The following CELSR3 variants were observed in gnomAD, a reference collection of about 807,000 sequenced individuals.
CELSR3 encodes the protein cadherin EGF LAG seven-pass G-type receptor 3.
CELSR3 carries 73 observed loss-of-function variants against 270.0 expected under a neutral mutation model. That is an observed-to-expected ratio of 0.27 (90% CI 0.22 to 0.33). CELSR3 has a LOEUF of 0.33. Among genes scored for constraint, CELSR3 ranks in the 10% least tolerant of loss-of-function variants. The pLI is 1.00. For synonymous variants in CELSR3, 1,780 were observed against 1,905.4 expected (o/e 0.93, Z 1.71); for missense variants, 3,614 against 4,533.8 (o/e 0.80, Z 5.83).
Position 48,648,321 on chromosome 3 carries a change from T to C in CELSR3, c.6918A>G (p.Ala2306=). Residue 2306 remains alanine, a synonymous_variant, in exon 19 of 35, where the codon GCA becomes GCG. Transcript: ENST00000164024. ...RHLEEYAATL[A]RNMELTYLNP... is the part of the protein sequence containing the mutation. ...TCAGGTATGTGAGTTCCATATTCCT[T>C]GCGAGTGTGGCTGCATACTCCTCCA... The C allele has an allele frequency of 1.2e-6, 2 of 1,610,296 alleles. No individual in the cohort carries two copies. Among genetic ancestry groups the C allele is most frequent in the African/African-American group, 1.3e-5 (1 of 74,788 alleles).
chr3:48,646,263 G>C lies in CELSR3; in HGVS notation c.7296-6C>G, dbSNP rs761107210. The C allele has an allele frequency of 3.7e-6, 6 of 1,608,448 alleles. No individual in the cohort carries two copies. Among genetic ancestry groups the C allele is most frequent in the Non-Finnish European group, 1.7e-6 (2 of 1,177,096 alleles). ...TGACGGGGTTCTGAGGAAGCCTGGGGAGACACCCATCTGGGCTTACGCACT... is the reference window on the plus strand; with the variant it reads ...TGACGGGGTTCTGAGGAAGCCTGGGCAGACACCCATCTGGGCTTACGCACT... On this transcript the variant is annotated splice_polypyrimidine_tract_variant and splice_region_variant and intron_variant, in intron 21 of 34. Transcript: ENST00000164024. The surrounding 1 kb of genome is among the most constrained non-coding windows in gnomAD (Gnocchi z 4.8).
chr3:48,653,458 A>G lies in CELSR3; in HGVS notation c.5448+161T>C, dbSNP rs1335134800. On this transcript the variant is annotated intron_variant, in intron 9 of 34. Coordinates refer to ENST00000164024, the MANE Select transcript of CELSR3 (RefSeq NM_001407.3). This position sits in a 1 kb window ranked among gnomAD's most constrained non-coding sequence, Gnocchi z 6.5. ...CCCTGCACCTGCAGAGGATATAATG[A>G]TGGAAAGAGAATCAAGGGCTAGGGT... is the stretch of plus-strand genomic sequence containing the variant. Among the ~76,000 whole-genome samples, 1 of 152,172 alleles carries G rather than the reference A, an allele frequency of 6.6e-6. No homozygotes were observed. The highest frequency in any genetic ancestry group is 1.5e-5 in the Non-Finnish European group (1 of 68,026).
chr3:48,662,165 G>A lies in CELSR3; in HGVS notation c.470C>T (p.Ala157Val), dbSNP rs928640906. 2.5e-6 allele frequency: 4 copies of A among 1,612,502 alleles called. No individual in the cohort carries two copies. Among genetic ancestry groups the A allele is most frequent in the Non-Finnish European group, 3.4e-6 (4 of 1,179,410 alleles). ...PLQRGSLSPG[A>V]LSSGVPGSGN... is the part of the protein sequence containing the mutation. The stretch of plus-strand genomic sequence containing the variant: ...CGAGCCCGGGACCCCTGAGGACAGA[G>A]CCCCTGGTGACAGACTACCTCTTTG... The change falls in exon 1 of 35, where the codon GCT (alanine) becomes GTT (valine). Residue 157 changes from alanine to valine, a missense_variant. Ala to Val is a moderately conservative substitution (Grantham distance 64). Coordinates refer to ENST00000164024, the MANE Select transcript of CELSR3 (RefSeq NM_001407.3). The surrounding 1 kb of genome is among the most constrained non-coding windows in gnomAD (Gnocchi z 7.1).
In CELSR3 at chr3:48,636,844, T is replaced by G. The variant is rs1438843578; in HGVS notation, c.*1361A>C. On this transcript the variant is annotated 3_prime_UTR_variant, in exon 35 of 35. Transcript: ENST00000164024. Reference sequence around the variant, plus strand: ...TTAGAGGACGCCTACTCTCAAGGTCTTCTGGATCTGCTGTTAAACGGGACT... The same window carrying G: ...TTAGAGGACGCCTACTCTCAAGGTCGTCTGGATCTGCTGTTAAACGGGACT... The G allele has an allele frequency of 6.6e-6, 1 of 152,202 alleles. No homozygotes were observed. The highest frequency in any genetic ancestry group is 1.5e-5 in the Non-Finnish European group (1 of 68,062). The allele number at this position is 152,202 out of a possible 1,614,324, so 9.4% of individuals were successfully genotyped here.
At position 48,659,673 on chromosome 3, in the gene CELSR3, G is replaced by A. The variant is rs372656162; in HGVS notation, c.2962C>T (p.Arg988Trp). ...TSVLQISATD[R>W]DAHANGRVQY... ...ACCCGGCCATTGGCATGAGCATCCC[G>A]GTCAGTGGCTGAGATCTGCAGGACA... The change falls in exon 1 of 35, where the codon CGG becomes TGG. Residue 988 changes from arginine to tryptophan, a missense_variant. Arg to Trp is a moderately radical substitution (Grantham distance 101, BLOSUM62 -3). Around this residue, in one of 7 missense-constraint regions of CELSR3, gnomAD observed 1,331 missense variants for 1,933.7 expected, o/e 0.69. Coordinates refer to ENST00000164024, the MANE Select transcript of CELSR3 (RefSeq NM_001407.3). This position sits in a 1 kb window ranked among gnomAD's most constrained non-coding sequence, Gnocchi z 8.1. 2.2e-5 allele frequency: 35 copies of A among 1,614,056 alleles called. No homozygotes were observed. The highest frequency in any genetic ancestry group is 1.7e-4 in the African/African-American group (13 of 74,908).
rs779243780 is a variant in CELSR3 at position 48,651,912 on chromosome 3, T to C, written c.5888A>G (p.Asp1963Gly). 6.2e-7 allele frequency: 1 copy of C among 1,612,244 alleles called. No homozygotes were observed. The highest frequency in any genetic ancestry group is 1.1e-5 in the South Asian group (1 of 90,958). Residue 1963 changes from aspartate (D) to glycine (G), a missense_variant, in exon 12 of 35, where the codon GAC becomes GGC. This residue lies in a region of CELSR3 where 1,331 missense variants were observed against 1,933.7 expected (regional missense o/e 0.69). Coordinates refer to ENST00000164024, the MANE Select transcript of CELSR3 (RefSeq NM_001407.3). This position sits in a 1 kb window ranked among gnomAD's most constrained non-coding sequence, Gnocchi z 7.4. ...GPCPPHADCR[D>G]LWQTFSCTCQ... ...GGTGCAAGAAAAGGTCTGCCAGAGGTCCCGGCAGTCTGCGTGAGGTGGGCA... is the reference window on the plus strand; with the variant it reads ...GGTGCAAGAAAAGGTCTGCCAGAGGCCCCGGCAGTCTGCGTGAGGTGGGCA...
At chr3:48,647,051 G>A in intron 20 of CELSR3, 123 bp from the exon 21 acceptor site, 1 of 931,678 alleles carries the variant, frequency 1.1e-6, no homozygotes, top group Non-Finnish European at 1.5e-6. Flanking sequence ...GGGGAGTGCA[G>A]GGAGCATGAA....
rs903396121 is a variant in CELSR3 at position 48,646,317 on chromosome 3, C to T, written c.7296-60G>A. 3.5e-5 allele frequency: 53 copies of T among 1,526,640 alleles called. No individual in the cohort carries two copies. In the Admixed American group the frequency reaches 1.0e-3, roughly 29 times the overall value. 94.6% of individuals were successfully genotyped at this position (1,526,640 alleles called of 1,614,324 possible). On this transcript the variant is annotated intron_variant, in intron 21 of 34. Coordinates refer to ENST00000164024, the MANE Select transcript of CELSR3 (RefSeq NM_001407.3). This position sits in a 1 kb window ranked among gnomAD's most constrained non-coding sequence, Gnocchi z 4.8. ...GACCTCCCCATGCTCAGCCTGCTTG[C>T]CTCACCCCGTCTTCATGCCACTCGC...
At position 48,641,374 on chromosome 3, in the gene CELSR3, A is replaced by G; in HGVS notation, c.8975T>C (p.Leu2992Pro). 1 of 1,612,580 alleles carries G rather than the reference A, an allele frequency of 6.2e-7. No individual in the cohort carries two copies. The highest frequency in any genetic ancestry group is 8.5e-7 in the Non-Finnish European group (1 of 1,179,802). Residue 2992 changes from leucine (L) to proline (P), a missense_variant, in exon 33 of 35, where the codon CTG (leucine) becomes CCG (proline). Coordinates refer to ENST00000164024, the MANE Select transcript of CELSR3 (RefSeq NM_001407.3). This position sits in a 1 kb window ranked among gnomAD's most constrained non-coding sequence, Gnocchi z 4.8. ...CAGAGAAGTCTCATCCCCACTGGTCAGGGCCGGGTCTGGCTGGTTGTTGTT... is the reference window on the plus strand; with the variant it reads ...CAGAGAAGTCTCATCCCCACTGGTCGGGGCCGGGTCTGGCTGGTTGTTGTT... ...AANNNQPDPA[L>P]TSGDETSLGR...
Position 48,662,537 on chromosome 3 carries a change from T to A in CELSR3, c.98A>T (p.Glu33Val). The A allele has an allele frequency of 6.2e-7, 1 of 1,601,928 alleles. No individual in the cohort carries two copies. Among genetic ancestry groups the A allele is most frequent in the Non-Finnish European group, 8.5e-7 (1 of 1,173,902 alleles). Residue 33 changes from glutamate to valine, a missense_variant, in exon 1 of 35, where the codon GAG becomes GTG. This residue lies in a region of CELSR3 where 470 missense variants were observed against 469.7 expected (regional missense o/e 1.00). Transcript: ENST00000164024. The surrounding 1 kb of genome is among the most constrained non-coding windows in gnomAD (Gnocchi z 7.1). ...GCCCTGGTGCCCACCGCCCCCCAGCTCCTCCTGGCTGAGGGGGAACAAAGA... is the reference window on the plus strand; with the variant it reads ...GCCCTGGTGCCCACCGCCCCCCAGCACCTCCTGGCTGAGGGGGAACAAAGA... ...LLSLFPLSQE[E>V]LGGGGHQGWD...
At chr3:48,648,238 G>GGCCCCC in intron 19 of CELSR3, 28 bp downstream of exon 19, 143 of 1,342,546 alleles carry the variant, frequency 1.1e-4, no homozygotes, top group Non-Finnish European at 1.4e-4. Flanking sequence ...CCCCTGCTGT[G>GGCCCCC]CCCCGCCCTA....
In CELSR3 at chr3:48,640,752, G is replaced by A. The variant is rs1476987747; in HGVS notation, c.9026-193C>T. ...GCAGGACAGGGGTCAGAGTGGAAGG[G>A]CAGTCATCTTCCAGTTGTGGTCCCG... On this transcript the variant is annotated intron_variant, in intron 33 of 34. Transcript: ENST00000164024. The surrounding 1 kb of genome is among the most constrained non-coding windows in gnomAD (Gnocchi z 7.5). 1.7e-6 allele frequency: 1 copy of A among 588,482 alleles called. No individual in the cohort carries two copies. The highest frequency in any genetic ancestry group is 2.9e-6 in the Non-Finnish European group (1 of 345,376). 36.5% of individuals were successfully genotyped at this position (588,482 alleles called of 1,614,324 possible). A position where few individuals can be genotyped will look rare whatever the true frequency, so the allele number is the denominator to read the frequency against.
Position 48,661,263 on chromosome 3 carries a change from T to A in CELSR3, c.1372A>T (p.Thr458Ser). The change falls in exon 1 of 35, where the codon ACT becomes TCT. Residue 458 changes from threonine (T) to serine (S), a missense_variant. Physicochemically the swap from Thr to Ser is moderately conservative, Grantham distance 58 (BLOSUM62 1). Around this residue, in one of 7 missense-constraint regions of CELSR3, gnomAD observed 354 missense variants for 500.9 expected, o/e 0.71. Transcript: ENST00000164024. ...GCGTTGGGGGGCGCGTCGCCGTCAG[T>A]GGCACGCAGCTGCAGGATAGGGTAG... is the stretch of plus-strand genomic sequence containing the variant. ...EGYPILQLRA[T>S]DGDAPPNANL... 6.2e-7 allele frequency: 1 copy of A among 1,610,476 alleles called. No individual in the cohort carries two copies. The highest frequency in any genetic ancestry group is 8.5e-7 in the Non-Finnish European group (1 of 1,177,662).
In CELSR3 at chr3:48,660,144, G is replaced by C. The variant is rs750326733; in HGVS notation, c.2491C>G (p.Leu831Val). 1 of 1,614,176 alleles carries C rather than the reference G, an allele frequency of 6.2e-7. No individual in the cohort carries two copies. Among genetic ancestry groups the C allele is most frequent in the Non-Finnish European group, 8.5e-7 (1 of 1,180,036 alleles). The change falls in exon 1 of 35, where the codon CTA (leucine) becomes GTA (valine). Residue 831 changes from leucine (L) to valine (V), a missense_variant. Leu to Val is a conservative substitution (Grantham distance 32). Transcript: ENST00000164024. The surrounding 1 kb of genome is among the most constrained non-coding windows in gnomAD (Gnocchi z 5.5). The part of the protein sequence containing the change: ...YKQERYFKLV[L>V]TASDRALHDH... The stretch of plus-strand genomic sequence containing the variant: ...TGAAGGGCACGGTCAGATGCAGTTA[G>C]TACCAGCTTGAAGTAGCGTTCCTGC...
Position 48,642,341 on chromosome 3 carries a change from C to T in CELSR3, c.8665+17G>A. 6.2e-7 allele frequency: 1 copy of T among 1,609,666 alleles called. No homozygotes were observed. The highest frequency in any genetic ancestry group is 8.5e-7 in the Non-Finnish European group (1 of 1,178,058). On this transcript the variant is annotated intron_variant, in intron 31 of 34. Transcript: ENST00000164024. The surrounding 1 kb of genome is among the most constrained non-coding windows in gnomAD (Gnocchi z 6.1). ...ATCCTCTGCCTCCCTCCTCCCTGCC[C>T]CAGGCCCCAACTCCACCAGCATCTC...
rs1384770884 is a variant in CELSR3 at position 48,656,898 on chromosome 3, G to A, written c.4199C>T (p.Ala1400Val). 6.2e-7 allele frequency: 1 copy of A among 1,609,810 alleles called. No homozygotes were observed. The highest frequency in any genetic ancestry group is 1.3e-5 in the African/African-American group (1 of 74,868). ...CGTGGAGGCCGAGGCCAGGAAGGGC[G>A]CGGACGAGTCAAAGCGGAGCACGGA... Reference protein sequence around the residue: ...CVSVLRFDSSAPFLASASTLF... With the variant: ...CVSVLRFDSSVPFLASASTLF... The change falls in exon 2 of 35, where the codon GCG becomes GTG. Residue 1400 changes from alanine (A) to valine (V), a missense_variant. Physicochemically the swap from Ala to Val is moderately conservative, Grantham distance 64. Coordinates refer to ENST00000164024, the MANE Select transcript of CELSR3 (RefSeq NM_001407.3).
chr3:48,660,082 G>C lies in CELSR3; in HGVS notation c.2553C>G (p.Ala851=). ...TTTGAAAGACCGGCCGATGAGTGTT[G>C]GCATCTGTGATGTTGATGTGCACAT... ...HCYVHINITD[A]NTHRPVFQSA... The change falls in exon 1 of 35, where the codon GCC becomes GCG. Residue 851 remains alanine (A), a synonymous_variant. Coordinates refer to ENST00000164024, the MANE Select transcript of CELSR3 (RefSeq NM_001407.3). The surrounding 1 kb of genome is among the most constrained non-coding windows in gnomAD (Gnocchi z 5.5). 1 of 1,614,168 alleles carries C rather than the reference G, an allele frequency of 6.2e-7. No homozygotes were observed. Among genetic ancestry groups the C allele is most frequent in the Non-Finnish European group, 8.5e-7 (1 of 1,180,034 alleles).
chr3:48,640,121 G>T lies in CELSR3; in HGVS notation c.9464C>A (p.Thr3155Lys), dbSNP rs374651619. Residue 3155 changes from threonine (T) to lysine (K), a missense_variant, in exon 34 of 35, where the codon ACG (threonine) becomes AAG (lysine). Transcript: ENST00000164024. This position sits in a 1 kb window ranked among gnomAD's most constrained non-coding sequence, Gnocchi z 7.5. ...CCGGGTGCGGCGGGGCGGAGGCAGCGTGCTCAACCACTCTCGAGGTGCCCC... is the reference window on the plus strand; with the variant it reads ...CCGGGTGCGGCGGGGCGGAGGCAGCTTGCTCAACCACTCTCGAGGTGCCCC... ...DLGAPREWLS[T>K]LPPPRRTRDL... The T allele has an allele frequency of 6.2e-7, 1 of 1,611,964 alleles. No individual in the cohort carries two copies.
rs1575537365 is a variant in CELSR3 at position 48,640,290 on chromosome 3, G to C, written c.9295C>G (p.Pro3099Ala). Residue 3099 changes from proline (P) to alanine (A), a missense_variant, in exon 34 of 35, where the codon CCA (proline) becomes GCA (alanine). Transcript: ENST00000164024. This position sits in a 1 kb window ranked among gnomAD's most constrained non-coding sequence, Gnocchi z 7.5. ...GCATCCATGCATTCCTGGGACCCTGGCCGGCTCAGGGGACGTAGAACAGGG... is the reference window on the plus strand; with the variant it reads ...GCATCCATGCATTCCTGGGACCCTGCCCGGCTCAGGGGACGTAGAACAGGG... ...PAPVLRPLSR[P>A]GSQECMDAAP... 1 of 1,612,808 alleles carries C rather than the reference G, an allele frequency of 6.2e-7. No individual in the cohort carries two copies. The highest frequency in any genetic ancestry group is 2.2e-5 in the East Asian group (1 of 44,892).
Sources: allele counts gnomAD v4.1 joint callset (sites outside exome capture counted in the v4.1 genomes callset), GRCh38; gene constraint gnomAD v4.1.1; regional missense constraint gnomAD v4.1.1; non-coding constraint Gnocchi (gnomAD v3.1); transcripts MANE v1.5; gene names NCBI Gene and HGNC (gene_info 2026-07-23, HGNC 2026-07-21).